ALDH8A1: variants seen among roughly 807,000 people sequenced by gnomAD.
ALDH8A1 encodes aldehyde dehydrogenase 8 family member A1.
Under a neutral mutation model 43.3 loss-of-function variants are expected in ALDH8A1, and 39 were observed. The ratio of observed to expected loss-of-function variants is 0.90; its 90% CI spans 0.70 to 1.18. The LOEUF is 1.18. ALDH8A1 is among the 50% of genes most tolerant of loss of function. The pLI, the probability that ALDH8A1 is intolerant of heterozygous loss-of-function variation, is 0.00. For missense variants in ALDH8A1, 605 were observed against 622.6 expected, an observed-to-expected ratio of 0.97 and a Z score of 0.30; for synonymous variants, 233 against 243.5, an observed-to-expected ratio of 0.96 and a Z score of 0.40.
intron 6 of ALDH8A1, among the ~76,000 whole-genome samples, chr6:134,924,641 G>A (rs1776856558): frequency 1.3e-5 from 2 of 152,066 alleles, no homozygotes; most frequent in Admixed American, 6.5e-5. Context: ...TTTCTTTAGA[G>A]AGTCCTTCTC....
chr6:134,927,267 C>G (rs1318477674), intron 6 of ALDH8A1, among the ~76,000 whole-genome samples: 1 of 152,052 alleles, frequency 6.6e-6, no homozygotes, highest in African/African-American at 2.4e-5. Flanking sequence ...ATTTAATTCT[C>G]CAACAGTGGC....
intron 6 of ALDH8A1, among the ~76,000 whole-genome samples, 163 bp from the exon 7 acceptor site, chr6:134,919,030 G>A (rs1776755690): frequency 6.6e-6 from 1 of 152,216 alleles, no homozygotes; most frequent in African/African-American, 2.4e-5. Context: ...CCAGAGGGCA[G>A]AGGCGCTCCA....
intron 1 of ALDH8A1, among the ~76,000 whole-genome samples, chr6:134,945,178 A>G (rs974347444): frequency 2.0e-5 from 3 of 152,150 alleles, no homozygotes; most frequent in Non-Finnish European, 4.4e-5. Flanking sequence ...AGTCCTTTCA[A>G]AATTCTATAA....
chr6:134,941,898 T>G (rs1189343733), intron 3 of ALDH8A1, among the ~76,000 whole-genome samples: 1 of 152,082 alleles, frequency 6.6e-6, no homozygotes, highest in Non-Finnish European at 1.5e-5. Context: ...CTTAGCATCA[T>G]TCTTTTCCCT....
At chr6:134,934,719 G>C (rs1773699316) in intron 4 of ALDH8A1, among the ~76,000 whole-genome samples, 1 of 152,176 alleles carries the variant, frequency 6.6e-6, no homozygotes, top group Non-Finnish European at 1.5e-5. Context: ...GGAGGCAGAG[G>C]TTGCAGTGAG....
At position 134,918,495 on chromosome 6, in the gene ALDH8A1, T is replaced by G. The variant is rs536394144; in HGVS notation, c.1384A>C (p.Ser462Arg). 25 of 1,614,114 alleles carry G rather than the reference T, an allele frequency of 1.5e-5. 1 individual carries two copies. The highest frequency in any genetic ancestry group is 2.0e-5 in the Non-Finnish European group (24 of 1,180,024). ...GCTCCCTCTCTACCTATTCCAGAACTCTTCATCCCCCCGAAAGGAAGGTTC... is the reference window on the plus strand; with the variant it reads ...GCTCCCTCTCTACCTATTCCAGAACGCTTCATCCCCCCGAAAGGAAGGTTC... ...ELNLPFGGMK[S>R]SGIGREGAKD... Residue 462 changes from serine (S) to arginine (R), a missense_variant, in exon 7 of 7, where the codon AGT becomes CGT. By Grantham distance (110) the Ser-to-Arg change is moderately radical (BLOSUM62 -1). Transcript: ENST00000265605.
rs576934557 is a variant in ALDH8A1, at chr6:134,935,313, T to C, written c.593-2281A>G. On this transcript the variant is annotated intron_variant, in intron 4 of 6. Transcript: ENST00000265605. ...CAGTCTTCACAACAACCTTAGGATG[T>C]AGGTAGTTTTATTACACTTAGTTCA... is the stretch of plus-strand genomic sequence containing the variant. 1.8e-4 allele frequency among the ~76,000 whole-genome samples: 27 copies of C among 152,268 alleles called. No individual in the cohort carries two copies. In the South Asian group the frequency reaches 5.6e-3, roughly 32 times the overall value.
intron 1 of ALDH8A1, 117 bp downstream of exon 1, chr6:134,949,799 T>C (rs1258742724): frequency 5.0e-6 from 6 of 1,197,514 alleles, no homozygotes; most frequent in Non-Finnish European, 6.7e-6. Context: ...ATCTTCCTTC[T>C]ATCATGTTTA....
chr6:134,927,490 C>G (rs545012524), intron 6 of ALDH8A1, among the ~76,000 whole-genome samples: 2 of 152,164 alleles, frequency 1.3e-5, no homozygotes, highest in Non-Finnish European at 2.9e-5. Context: ...CTCTCCCTTT[C>G]TCTCTCTTAC....
intron 4 of ALDH8A1, among the ~76,000 whole-genome samples, chr6:134,938,363 G>A (rs1224259634): frequency 1.3e-5 from 2 of 152,236 alleles, no homozygotes; most frequent in African/African-American, 4.8e-5. Flanking sequence ...AAAACCAGGA[G>A]CGCATCCTGA....
At chr6:134,929,539 AAG>A (rs1301293205) in intron 5 of ALDH8A1, among the ~76,000 whole-genome samples, 1 of 152,162 alleles carries the variant, frequency 6.6e-6, no homozygotes, top group Non-Finnish European at 1.5e-5. Flanking sequence ...GGCACTTGCA[AAG>A]AGGGGATATT....
At chr6:134,934,256 G>A (rs1363395400) in intron 4 of ALDH8A1, among the ~76,000 whole-genome samples, 3 of 152,128 alleles carry the variant, frequency 2.0e-5, no homozygotes, top group Admixed American at 1.3e-4. Context: ...GGGATGAGAG[G>A]TCAAACACGC....
chr6:134,926,202 CTTTTT>C (rs749949919), intron 6 of ALDH8A1, among the ~76,000 whole-genome samples: 4 of 93,734 alleles, frequency 4.3e-5, no homozygotes, highest in Admixed American at 2.4e-4. Context: ...CAGGACCCTT[CTTTTT>C]TTTTTTTTTT....
intron 1 of ALDH8A1, among the ~76,000 whole-genome samples, chr6:134,945,427 T>C (rs772594893): frequency 6.6e-6 from 1 of 152,102 alleles, no homozygotes; most frequent in Non-Finnish European, 1.5e-5. Context: ...CTTTTAGAGT[T>C]ACATACAAAA....
At chr6:134,937,872 T>C (rs1773773504) in intron 4 of ALDH8A1, among the ~76,000 whole-genome samples, 1 of 151,700 alleles carries the variant, frequency 6.6e-6, no homozygotes, top group Non-Finnish European at 1.5e-5. Context: ...CCCCTCCACC[T>C]CGAAGCCTGG....
chr6:134,922,401 T>G (rs1197528336), intron 6 of ALDH8A1, among the ~76,000 whole-genome samples: 1 of 152,212 alleles, frequency 6.6e-6, no homozygotes, highest in African/African-American at 2.4e-5. Flanking sequence ...TTTTTTTCTT[T>G]TTTTGAGACA....
At position 134,918,289 on chromosome 6, in the gene ALDH8A1, G is replaced by C; in HGVS notation, c.*126C>G. ...TAAAGTTACTAAGAACTGAGGATAA[G>C]CTAGAGATAACCTTCTGCCAAGTCA... On this transcript the variant is annotated 3_prime_UTR_variant, in exon 7 of 7. Transcript: ENST00000265605. 1.2e-6 allele frequency: 1 copy of C among 860,994 alleles called. No individual in the cohort carries two copies. The highest frequency in any genetic ancestry group is 1.8e-6 in the Non-Finnish European group (1 of 557,854). 53.3% of individuals were successfully genotyped at this position (860,994 alleles called of 1,614,324 possible).
intron 4 of ALDH8A1, among the ~76,000 whole-genome samples, chr6:134,937,873 C>G (rs759382682): frequency 6.6e-6 from 1 of 152,110 alleles, no homozygotes; most frequent in African/African-American, 2.4e-5. Flanking sequence ...CCCTCCACCT[C>G]GAAGCCTGGG....
At chr6:134,933,304 G>C (rs997182449) in intron 4 of ALDH8A1, among the ~76,000 whole-genome samples, 2 of 152,162 alleles carry the variant, frequency 1.3e-5, no homozygotes, top group African/African-American at 4.8e-5. Context: ...CATATTTTAG[G>C]TGATTCATTC....
Sources: gnomAD v4.1 joint callset for allele counts (sites outside exome capture counted in the v4.1 genomes callset) on GRCh38, gnomAD v4.1.1 for gene constraint, MANE v1.5 for transcripts, NCBI Gene and HGNC (gene_info 2026-07-23, HGNC 2026-07-21) for gene names.